The following WWOX variants were observed in gnomAD, a reference collection of about 807,000 sequenced individuals.
The protein encoded by WWOX is WW domain containing oxidoreductase, also known as WW domain-containing oxidoreductase.
WWOX carries 69 observed loss-of-function variants against 46.2 expected under a neutral mutation model. The ratio of observed to expected loss-of-function variants is 1.49; its 90% CI spans 1.23 to 1.82. The LOEUF is 1.82. Among genes scored for constraint, WWOX ranks in the 40% most tolerant of loss-of-function variants. WWOX has a pLI of 0.00. For missense variants in WWOX, 919 were observed against 542.6 expected (o/e 1.69, Z -6.89); for synonymous variants, 359 against 202.6 (o/e 1.77, Z -6.56).
intron 8 of WWOX, among the ~76,000 whole-genome samples, chr16:78,854,331 C>T (rs1380403110): frequency 2.6e-5 from 4 of 152,062 alleles, no homozygotes; most frequent in Non-Finnish European, 5.9e-5. Context: ...AATAGAATTC[C>T]TTGGTTCAGC....
intron 4 of WWOX, 85 bp downstream of exon 4, chr16:78,115,239 G>C: frequency 6.6e-7 from 1 of 1,511,492 alleles, no homozygotes; most frequent in Non-Finnish European, 9.2e-7. Flanking sequence ...TTTGTTTAGT[G>C]GTTCTCTGAT....
At chr16:78,222,939 C>G (rs368600002) in intron 5 of WWOX, among the ~76,000 whole-genome samples, 8 of 152,148 alleles carry the variant, frequency 5.3e-5, no homozygotes, top group African/African-American at 1.9e-4. Context: ...GGGGGCTGTC[C>G]CCTTCCTTTT....
intron 8 of WWOX, among the ~76,000 whole-genome samples, chr16:78,989,821 C>CGTGTGTGT (rs71384389): frequency 0.022 from 2,980 of 136,408 alleles, 25 homozygotes; most frequent in Non-Finnish European, 0.028. Context: ...GGTGTGTGAG[C>CGTGTGTGT]GTGTGTGTGT....
chr16:78,901,552 A>G (rs373213700), intron 8 of WWOX, among the ~76,000 whole-genome samples: 2 of 152,112 alleles, frequency 1.3e-5, no homozygotes, highest in African/African-American at 2.4e-5. Flanking sequence ...CATTGGTAGG[A>G]TCTTGGTTCA....
At position 78,835,989 on chromosome 16, in the gene WWOX, T is replaced by C. The variant is rs549572442; in HGVS notation, c.1057-375619T>C. Among the ~76,000 whole-genome samples the C allele has an allele frequency of 4.6e-5, 7 of 152,326 alleles. No homozygotes were observed. In the East Asian group the frequency reaches 1.4e-3, roughly 29 times the overall value. On this transcript the variant is annotated intron_variant, in intron 8 of 8. Transcript: ENST00000566780. ...CCTAAGCTGCCACTTCTTCAAAGCCTCGTTATTCTTGTTCCCTTCAATGTA... is the reference window on the plus strand; with the variant it reads ...CCTAAGCTGCCACTTCTTCAAAGCCCCGTTATTCTTGTTCCCTTCAATGTA...
At chr16:78,282,799 A>C (rs1279303360) in intron 5 of WWOX, among the ~76,000 whole-genome samples, 1 of 148,598 alleles carries the variant, frequency 6.7e-6, no homozygotes, top group African/African-American at 2.5e-5. Context: ...AATCGCTTGA[A>C]CCTCGGAGGT....
chr16:78,684,448 C>T (rs747905196), intron 8 of WWOX, among the ~76,000 whole-genome samples: 4 of 152,186 alleles, frequency 2.6e-5, no homozygotes, highest in Admixed American at 1.3e-4. Context: ...ACAGCTGTGG[C>T]GTGTTGAGTC....
intron 5 of WWOX, among the ~76,000 whole-genome samples, chr16:78,379,041 C>T (rs2081894591): frequency 6.6e-6 from 1 of 152,122 alleles, no homozygotes; most frequent in African/African-American, 2.4e-5. Context: ...GTCTTACTAG[C>T]TTGGCCACTG....
chr16:79,088,962 A>C lies in WWOX; in HGVS notation c.1057-122646A>C, dbSNP rs114516837. ...TTTTTTTTGTCTTAATGTTTAGTGT[A>C]ATGAGGGAGTATAGGATGAACTCAA... is the stretch of plus-strand genomic sequence containing the variant. On this transcript the variant is annotated intron_variant, in intron 8 of 8. Transcript: ENST00000566780. Among the ~76,000 whole-genome samples the C allele has an allele frequency of 1.4e-3, 219 of 152,280 alleles. 1 individual carries two copies. The highest frequency in any genetic ancestry group is 5.0e-3 in the African/African-American group (209 of 41,570).
intron 5 of WWOX, among the ~76,000 whole-genome samples, chr16:78,339,769 G>A (rs1310118547): frequency 1.7e-5 from 2 of 116,340 alleles, no homozygotes; most frequent in East Asian, 3.9e-4. Context: ...TGTTGTTCTC[G>A]GGAAGTACAA....
intron 5 of WWOX, among the ~76,000 whole-genome samples, chr16:78,179,118 A>G (rs1451402078): frequency 6.6e-6 from 1 of 152,178 alleles, no homozygotes; most frequent in East Asian, 1.9e-4. Context: ...GGAGACAGAA[A>G]CACAGAAATA....
intron 8 of WWOX, among the ~76,000 whole-genome samples, chr16:78,658,087 A>G (rs2047122079): frequency 6.6e-6 from 1 of 152,016 alleles, no homozygotes; most frequent in Admixed American, 6.6e-5. Flanking sequence ...ACATTAAGCA[A>G]CATCACTGGC....
intron 8 of WWOX, among the ~76,000 whole-genome samples, chr16:78,685,225 A>G (rs568461325): frequency 1.3e-5 from 2 of 152,286 alleles, no homozygotes; most frequent in African/African-American, 2.4e-5. Context: ...GGGCAGGAGT[A>G]TTCCCTAATG....
chr16:78,858,512 AT>A (rs1039397396), intron 8 of WWOX, among the ~76,000 whole-genome samples: 2 of 152,054 alleles, frequency 1.3e-5, no homozygotes, highest in African/African-American at 4.8e-5. Context: ...TTTTGTGTGT[AT>A]TTTCATAAAA....
At chr16:79,165,005 C>A (rs913964706) in intron 8 of WWOX, among the ~76,000 whole-genome samples, 1 of 152,022 alleles carries the variant, frequency 6.6e-6, no homozygotes, top group Admixed American at 6.6e-5. Flanking sequence ...TGTTCCACAC[C>A]CTTATGTATA....
At chr16:78,769,796 C>T (rs1254282390) in intron 8 of WWOX, among the ~76,000 whole-genome samples, 1 of 150,444 alleles carries the variant, frequency 6.6e-6, no homozygotes, top group Non-Finnish European at 1.5e-5. Flanking sequence ...CGCCTGAGTC[C>T]AGGAGTTCGA....
intron 8 of WWOX, among the ~76,000 whole-genome samples, chr16:78,559,001 G>T (rs1031275618): frequency 6.6e-6 from 1 of 152,154 alleles, no homozygotes; most frequent in African/African-American, 2.4e-5. Flanking sequence ...CAAGGACTTT[G>T]TTGCTCACAA....
At chr16:78,666,924 T>G (rs2047344776) in intron 8 of WWOX, among the ~76,000 whole-genome samples, 1 of 152,222 alleles carries the variant, frequency 6.6e-6, no homozygotes, top group African/African-American at 2.4e-5. Flanking sequence ...AAGACACTGT[T>G]GATGTCCAGG....
chr16:78,436,449 G>A (rs2083337489), intron 8 of WWOX, among the ~76,000 whole-genome samples: 1 of 152,148 alleles, frequency 6.6e-6, no homozygotes, highest in Non-Finnish European at 1.5e-5. Flanking sequence ...GTCACAAATG[G>A]ACTTTAGATA....
Sources: allele counts gnomAD v4.1 joint callset (sites outside exome capture counted in the v4.1 genomes callset), GRCh38; gene constraint gnomAD v4.1.1; transcripts MANE v1.5; gene names NCBI Gene and HGNC (gene_info 2026-07-23, HGNC 2026-07-21).